ITGB5: variants seen among roughly 807,000 people sequenced by gnomAD.
ITGB5 encodes integrin subunit beta 5, also known as integrin beta-5.
Under a neutral mutation model 84.8 loss-of-function variants are expected in ITGB5, and 38 were observed. That is an observed-to-expected ratio of 0.45 (90% CI 0.35 to 0.59). The LOEUF (loss-of-function observed/expected upper bound fraction) is 0.59. Ranked by LOEUF, ITGB5 falls within the 20% of genes least tolerant of loss-of-function variation. ITGB5 has a pLI of 0.01. For synonymous variants in ITGB5, 393 were observed against 414.4 expected (o/e 0.95, Z 0.63); for missense variants, 905 against 1,034.5 (o/e 0.87, Z 1.72).
intron 12 of ITGB5, 87 bp from the exon 13 acceptor site, chr3:124,766,432 A>C (rs1477597680): frequency 6.6e-7 from 1 of 1,526,150 alleles, no homozygotes; most frequent in East Asian, 2.3e-5. Context: ...GAGTGCCTTG[A>C]AAAAGGAAAG....
intron 1 of ITGB5, among the ~76,000 whole-genome samples, chr3:124,874,900 T>C (rs1934236630): frequency 6.6e-6 from 1 of 152,154 alleles, no homozygotes; most frequent in African/African-American, 2.4e-5. Context: ...AATGTAAAAC[T>C]ACCAAAAGAA....
At chr3:124,855,150 T>C (rs1463766277) in intron 3 of ITGB5, among the ~76,000 whole-genome samples, 1 of 152,054 alleles carries the variant, frequency 6.6e-6, no homozygotes, top group Non-Finnish European at 1.5e-5. Context: ...CCGTCTCTAC[T>C]AAAAATACAA....
intron 3 of ITGB5, among the ~76,000 whole-genome samples, chr3:124,849,411 G>A (rs1488261694): frequency 6.6e-6 from 1 of 152,150 alleles, no homozygotes; most frequent in Non-Finnish European, 1.5e-5. Context: ...ACCCCAATGG[G>A]CAAAAATATG....
chr3:124,835,698 A>G (rs2064925530), intron 5 of ITGB5, among the ~76,000 whole-genome samples: 1 of 152,246 alleles, frequency 6.6e-6, no homozygotes, highest in South Asian at 2.1e-4. Context: ...CCTTGAGGAA[A>G]GAAAGGCAAT....
chr3:124,841,428 G>T lies in ITGB5; in HGVS notation c.735C>A (p.Ala245=), dbSNP rs1470979450. Reference sequence around the variant, plus strand: ...GTACTGCATCAAAGCCCCCCTCAGGGGCATCTCGGTTCCGGGACACCCTCT... The same window carrying T: ...GTACTGCATCAAAGCCCCCCTCAGGTGCATCTCGGTTCCGGGACACCCTCT... ...RKQRVSRNRD[A]PEGGFDAVLQ... Residue 245 remains alanine, a synonymous_variant, in exon 5 of 15, where the codon GCC becomes GCA. Coordinates refer to ENST00000296181, the MANE Select transcript of ITGB5 (RefSeq NM_002213.5). The T allele has an allele frequency of 1.2e-6, 2 of 1,614,202 alleles. No individual in the cohort carries two copies. Among genetic ancestry groups the T allele is most frequent in the African/African-American group, 2.7e-5 (2 of 75,048 alleles).
chr3:124,767,462 A>G (rs955401665), intron 12 of ITGB5, among the ~76,000 whole-genome samples: 4 of 152,236 alleles, frequency 2.6e-5, no homozygotes, highest in Non-Finnish European at 5.9e-5. Flanking sequence ...CTGCTCTCTC[A>G]GAGGACTGGG....
At chr3:124,864,921 C>T (rs892376952) in intron 2 of ITGB5, among the ~76,000 whole-genome samples, 1 of 152,128 alleles carries the variant, frequency 6.6e-6, no homozygotes, top group Non-Finnish European at 1.5e-5. Context: ...CCCTGGCTTC[C>T]ACAGGTGGGG....
intron 10 of ITGB5, among the ~76,000 whole-genome samples, chr3:124,783,290 CAAAAAAAAAAAAA>C (rs758967509): frequency 1.8e-5 from 1 of 56,988 alleles, no homozygotes; most frequent in Non-Finnish European, 3.6e-5. Flanking sequence ...GACTCCGTCT[CAAAAAAAAAAAAA>C]AAAAAAAAAA....
upstream of ITGB5, among the ~76,000 whole-genome samples, chr3:124,888,629 T>C (rs1934925180): frequency 1.3e-5 from 2 of 152,224 alleles, no homozygotes; most frequent in African/African-American, 2.4e-5. Context: ...AACCCTACTG[T>C]TATCCAGTTG....
chr3:124,779,772 T>C (rs536795100), intron 10 of ITGB5, among the ~76,000 whole-genome samples: 1 of 152,284 alleles, frequency 6.6e-6, no homozygotes, highest in Non-Finnish European at 1.5e-5. Context: ...CCACTTAGAA[T>C]AGTGTTGGCT....
chr3:124,897,668 A>C (rs978638653), intron 1 of ITGB5, among the ~76,000 whole-genome samples: 3 of 152,122 alleles, frequency 2.0e-5, no homozygotes, highest in Admixed American at 2.0e-4. Context: ...ATAAAGAAAA[A>C]TTTTTTTTTA....
intron 3 of ITGB5, among the ~76,000 whole-genome samples, chr3:124,849,463 C>T (rs985792514): frequency 5.9e-5 from 9 of 152,216 alleles, no homozygotes; most frequent in South Asian, 4.1e-4. Flanking sequence ...CTATTTCTCT[C>T]GCCATTTACC....
At chr3:124,861,188 G>GT (rs529330503) in intron 2 of ITGB5, among the ~76,000 whole-genome samples, 73 of 150,944 alleles carry the variant, frequency 4.8e-4, no homozygotes, top group African/African-American at 1.2e-3. Context: ...ATTCTGGGTT[G>GT]TTTTTTTTTA....
intron 5 of ITGB5, among the ~76,000 whole-genome samples, chr3:124,826,332 A>T (rs942301028): frequency 6.6e-6 from 1 of 152,200 alleles, no homozygotes; most frequent in Non-Finnish European, 1.5e-5. Context: ...CAGTAAGAAG[A>T]CAGAACAATG....
chr3:124,773,251 A>G (rs1278891632), intron 11 of ITGB5, among the ~76,000 whole-genome samples: 1 of 152,002 alleles, frequency 6.6e-6, no homozygotes, highest in African/African-American at 2.4e-5. Flanking sequence ...CATTTCCCAT[A>G]AGGGTTCTGT....
chr3:124,858,712 G>A (rs1284017497), intron 3 of ITGB5, among the ~76,000 whole-genome samples: 1 of 152,184 alleles, frequency 6.6e-6, no homozygotes, highest in Non-Finnish European at 1.5e-5. Flanking sequence ...GGAAAGTAGA[G>A]TAGGCAGCCA....
At chr3:124,896,141 C>T (rs564903666) in intron 1 of ITGB5, among the ~76,000 whole-genome samples, 15 of 152,302 alleles carry the variant, frequency 9.8e-5, no homozygotes, top group South Asian at 6.2e-4. Flanking sequence ...GCCTGTCTTA[C>T]GGGTGGACTC....
rs2063807103 is a variant in ITGB5 at position 124,769,123 on chromosome 3, AGAG to A, written c.1917-13_1917-11del. On this transcript the variant is annotated splice_polypyrimidine_tract_variant and intron_variant, in intron 11 of 14. Coordinates refer to ENST00000296181, the MANE Select transcript of ITGB5 (RefSeq NM_002213.5). ...GCACTCGACGCAATCTCTTTGGAAA[AGAG>A]GAGATAAAGGTGGGTGTCAGATAAT... The A allele has an allele frequency of 7.4e-6, 12 of 1,612,430 alleles. No homozygotes were observed. The highest frequency in any genetic ancestry group is 1.0e-5 in the Non-Finnish European group (12 of 1,178,712).
intron 4 of ITGB5, among the ~76,000 whole-genome samples, chr3:124,843,005 G>A (rs757318740): frequency 1.7e-4 from 26 of 152,194 alleles, no homozygotes; most frequent in Admixed American, 1.7e-3. Context: ...CCCTCTCGGG[G>A]CCGGCGGCAG....
Sources: allele counts gnomAD v4.1 joint callset (sites outside exome capture counted in the v4.1 genomes callset), GRCh38; gene constraint gnomAD v4.1.1; transcripts MANE v1.5; gene names NCBI Gene and HGNC (gene_info 2026-07-23, HGNC 2026-07-21).